The following UVSSA variants were observed in gnomAD, a reference collection of about 807,000 sequenced individuals.
The protein encoded by UVSSA is UV stimulated scaffold protein A, also known as UV-stimulated scaffold protein A.
In UVSSA, 72 loss-of-function variants were observed where a neutral mutation model predicts 73.9. The observed-to-expected ratio is 0.97, with a 90% CI of 0.81 to 1.19. The LOEUF is 1.19. Ranked by LOEUF, UVSSA falls within the 50% of genes most tolerant of loss-of-function variation. UVSSA has a pLI of 0.00. For missense variants in UVSSA, 1,150 were observed against 965.0 expected (o/e 1.19, Z -2.54); for synonymous variants, 454 against 391.3 (o/e 1.16, Z -1.89).
At position 1,381,097 on chromosome 4, in the gene UVSSA, G is replaced by A. The variant is rs984247675; in HGVS notation, c.1861+109G>A. 2.7e-5 allele frequency: 28 copies of A among 1,025,340 alleles called. No homozygotes were observed. The African/African-American group carries it at 3.2e-4, about 12-fold the overall frequency. The allele number at this position is 1,025,340 out of a possible 1,614,324, so 63.5% of individuals were successfully genotyped here. The stretch of plus-strand genomic sequence containing the variant: ...ACAGAGCACCCGCTCTGCCAGCTTC[G>A]TCCATGGAGCTACAAGCCTCTCGGT... On this transcript the variant is annotated intron_variant, in intron 12 of 13. Coordinates refer to ENST00000389851, the MANE Select transcript of UVSSA (RefSeq NM_020894.4).
chr4:1,354,400 G>T, intron 5 of UVSSA: 2 of 339,932 alleles, frequency 5.9e-6, no homozygotes, highest in Non-Finnish European at 1.1e-5. Context: ...GCTGTGGAGG[G>T]GAAGGTTCTG....
At chr4:1,372,543 G>C (rs1221774920) in intron 8 of UVSSA, among the ~76,000 whole-genome samples, 2 of 152,116 alleles carry the variant, frequency 1.3e-5, no homozygotes, top group Non-Finnish European at 2.9e-5. Context: ...CTCTCCCCAC[G>C]TGTGGCCTCC....
At position 1,379,950 on chromosome 4, in the gene UVSSA, G is replaced by A. The variant is rs921452477; in HGVS notation, c.1569-97G>A. On this transcript the variant is annotated intron_variant, in intron 10 of 13. Coordinates refer to ENST00000389851, the MANE Select transcript of UVSSA (RefSeq NM_020894.4). ...TCCACAGTGTTGGGGTGGCTGGGCT[G>A]CAGTGGTGTTTGGCCTTCCCCTGTG... The A allele has an allele frequency of 7.1e-6, 10 of 1,398,804 alleles. No individual in the cohort carries two copies. The African/African-American group carries it at 1.4e-4, about 20-fold the overall frequency. 86.6% of individuals were successfully genotyped at this position (1,398,804 alleles called of 1,614,324 possible).
upstream of UVSSA, among the ~76,000 whole-genome samples, chr4:1,342,149 GTGTTTA>G (rs1278772440): frequency 2.3e-4 from 35 of 152,340 alleles, no homozygotes; most frequent in South Asian, 4.1e-3. Flanking sequence ...GAGTCATGGT[GTGTTTA>G]TGTTTAACTG....
chr4:1,373,727 C>T (rs1402045872), intron 8 of UVSSA, among the ~76,000 whole-genome samples: 2 of 152,134 alleles, frequency 1.3e-5, no homozygotes, highest in African/African-American at 2.4e-5. Context: ...TTAGAAGAGA[C>T]GAGGATGCTG....
At position 1,366,436 on chromosome 4, in the gene UVSSA, G is replaced by C. The variant is rs367715181; in HGVS notation, c.1288+5G>C. 1.2e-6 allele frequency: 2 copies of C among 1,602,880 alleles called. No individual in the cohort carries two copies. Among genetic ancestry groups the C allele is most frequent in the Non-Finnish European group, 1.7e-6 (2 of 1,174,590 alleles). The stretch of plus-strand genomic sequence containing the variant: ...ACCACTTGCGGCCTGAGTATGGTGA[G>C]CAGTGGGTCCCGTGGGGGGGGCACC... On this transcript the variant is annotated splice_donor_5th_base_variant and intron_variant, in intron 8 of 13. Transcript: ENST00000389851.
At chr4:1,373,392 A>C (rs1400560173) in intron 8 of UVSSA, among the ~76,000 whole-genome samples, 2 of 152,188 alleles carry the variant, frequency 1.3e-5, no homozygotes, top group Non-Finnish European at 2.9e-5. Flanking sequence ...ATTCGTTGGC[A>C]GCTGACTAGA....
downstream of UVSSA, chr4:1,391,611 C>CT (rs1353784145): frequency 3.3e-5 from 5 of 152,146 alleles, no homozygotes; most frequent in Admixed American, 3.3e-4. Flanking sequence ...CCACTTAGCT[C>CT]TTTTTTGATT....
At chr4:1,356,296 G>GCTCCTCTCGATTAAATGCTGAGC (rs1465778616) in intron 7 of UVSSA, among the ~76,000 whole-genome samples, 1 of 152,140 alleles carries the variant, frequency 6.6e-6, no homozygotes, top group African/African-American at 2.4e-5. Context: ...GGGTGGGGAA[G>GCTCCTCTCGATTAAATGCTGAGC]CTCCTCTCGA....
At chr4:1,353,701 G>T (rs551412333) in intron 5 of UVSSA, among the ~76,000 whole-genome samples, 2 of 152,206 alleles carry the variant, frequency 1.3e-5, no homozygotes, top group Non-Finnish European at 2.9e-5. Flanking sequence ...GGTGAGGTGG[G>T]GTCGTGAGGC....
intron 8 of UVSSA, among the ~76,000 whole-genome samples, chr4:1,368,343 T>A (rs1427817644): frequency 2.0e-5 from 3 of 152,214 alleles, no homozygotes; most frequent in Non-Finnish European, 4.4e-5. Context: ...ATCCACACTT[T>A]CCCTAAAACC....
chr4:1,381,583 C>T (rs1205903150), intron 12 of UVSSA, among the ~76,000 whole-genome samples: 1 of 152,134 alleles, frequency 6.6e-6, no homozygotes, highest in Non-Finnish European at 1.5e-5. Context: ...TGCCTCCCCT[C>T]GGGCCCATCT....
intron 7 of UVSSA, among the ~76,000 whole-genome samples, chr4:1,362,904 G>A (rs1716845195): frequency 6.6e-6 from 1 of 152,188 alleles, no homozygotes; most frequent in East Asian, 1.9e-4. Context: ...AGCTTCCTAG[G>A]CTCACGGCTT....
intron 8 of UVSSA, among the ~76,000 whole-genome samples, chr4:1,370,113 TAATG>T (rs200963223): frequency 0.015 from 2,333 of 152,374 alleles, 69 homozygotes; most frequent in African/African-American, 0.051. Context: ...CCCATCTTTT[TAATG>T]GTTTAAAACA....
Position 1,380,173 on chromosome 4 carries a change from C to T in UVSSA, c.1695C>T (p.His565=), listed in dbSNP as rs761796439. The T allele has an allele frequency of 1.2e-6, 2 of 1,613,080 alleles. No homozygotes were observed. Among genetic ancestry groups the T allele is most frequent in the Admixed American group, 3.3e-5 (2 of 60,026 alleles). The change falls in exon 11 of 14, where the codon CAC becomes CAT. Residue 565 remains histidine, a synonymous_variant. Coordinates refer to ENST00000389851, the MANE Select transcript of UVSSA (RefSeq NM_020894.4). Reference sequence around the variant, plus strand: ...CCGGGAAGTTTGAGCCTGTGCAGCACTGGTGCCGTGCCCCGAGGCCAGACG... The same window carrying T: ...CCGGGAAGTTTGAGCCTGTGCAGCATTGGTGCCGTGCCCCGAGGCCAGACG... ...TFAGKFEPVQ[H]WCRAPRPDGR...
intron 8 of UVSSA, among the ~76,000 whole-genome samples, chr4:1,367,485 G>C (rs927031394): frequency 3.3e-4 from 50 of 152,186 alleles, no homozygotes; most frequent in African/African-American, 1.1e-3. Context: ...GTGTCATGCC[G>C]AATTAGCACA....
chr4:1,346,434 C>G (rs920079620), upstream of UVSSA, among the ~76,000 whole-genome samples: 1 of 152,242 alleles, frequency 6.6e-6, no homozygotes, highest in Admixed American at 6.5e-5. Flanking sequence ...CCAGGTCCGT[C>G]CGTCCGCAGC....
intron 9 of UVSSA, 143 bp from the exon 10 acceptor site, chr4:1,375,891 G>A (rs1718702902): frequency 7.5e-7 from 1 of 1,324,966 alleles, no homozygotes; most frequent in African/African-American, 1.5e-5. Context: ...GTGGCCCTGA[G>A]GCCCAGGCGT....
exon 14 of UVSSA, chr4:1,393,994 G>T: frequency 4.6e-6 from 1 of 216,652 alleles, no homozygotes. Context: ...GTTGATGCAT[G>T]GTGAGTGTGC....
Sources: allele counts gnomAD v4.1 joint callset (sites outside exome capture counted in the v4.1 genomes callset), GRCh38; gene constraint gnomAD v4.1.1; transcripts MANE v1.5; gene names NCBI Gene and HGNC (gene_info 2026-07-23, HGNC 2026-07-21).